The following USP7 variants were observed in gnomAD, a reference collection of about 807,000 sequenced individuals.
USP7 encodes ubiquitin specific peptidase 7, also known as ubiquitin C-terminal hydrolase 7.
In USP7, 9 loss-of-function variants were observed where a neutral mutation model predicts 162.9. That is an observed-to-expected ratio of 0.06 (90% CI 0.03 to 0.10). The LOEUF is 0.10. USP7 is among the 10% of genes least tolerant of loss of function. The probability of loss-of-function intolerance (pLI) is 1.00; values close to 1 mark genes in which losing one functional copy is unlikely to be tolerated. For synonymous variants in USP7, 562 were observed against 475.9 expected (o/e 1.18, Z -2.35); for missense variants, 715 against 1,373.7 (o/e 0.52, Z 7.58).
At chr16:8,947,307 A>G (rs182615124) in intron 1 of USP7, among the ~76,000 whole-genome samples, 4 of 152,238 alleles carry the variant, frequency 2.6e-5, no homozygotes, top group African/African-American at 9.6e-5. Context: ...TTTTTTATAC[A>G]ACATTACCAT....
chr16:8,921,907 G>T (rs186029712), intron 3 of USP7, among the ~76,000 whole-genome samples: 1 of 152,328 alleles, frequency 6.6e-6, no homozygotes, highest in East Asian at 1.9e-4. Context: ...CGATTTAAGT[G>T]GGGCCTTATC....
At chr16:8,930,240 T>C (rs1271399397) in intron 2 of USP7, 53 bp downstream of exon 2, 14 of 1,411,458 alleles carry the variant, frequency 9.9e-6, no homozygotes, top group Non-Finnish European at 1.4e-5. Flanking sequence ...GATCTGAACC[T>C]GTTTTCTGAC....
intron 16 of USP7, among the ~76,000 whole-genome samples, chr16:8,902,831 T>C (rs1260717529): frequency 6.6e-6 from 1 of 151,902 alleles, no homozygotes; most frequent in Non-Finnish European, 1.5e-5. Flanking sequence ...GAGGTTGCAG[T>C]GAGCCAAGAT....
intron 8 of USP7, 54 bp downstream of exon 8, chr16:8,916,448 C>T (rs1428459376): frequency 3.8e-6 from 6 of 1,563,060 alleles, no homozygotes; most frequent in South Asian, 1.2e-5. Flanking sequence ...TAACTTCTGA[C>T]CATGCTTCAA....
intron 28 of USP7, 65 bp from the exon 29 acceptor site, chr16:8,894,920 C>G (rs2304467): frequency 0.39 from 626,247 of 1,613,354 alleles, 126,764 homozygotes; most frequent in East Asian, 0.56. Flanking sequence ...CGTCACGTGG[C>G]AGCCGCCAAA....
chr16:8,905,648 A>C (rs902857983), intron 13 of USP7, among the ~76,000 whole-genome samples: 1 of 152,214 alleles, frequency 6.6e-6, no homozygotes, highest in Non-Finnish European at 1.5e-5. Flanking sequence ...ATCTACTGAC[A>C]CTACCAACTC....
intron 12 of USP7, among the ~76,000 whole-genome samples, chr16:8,907,521 T>C (rs753575115): frequency 6.6e-6 from 1 of 152,232 alleles, no homozygotes; most frequent in Non-Finnish European, 1.5e-5. Flanking sequence ...GATAAGGTAG[T>C]GCACATTGTC....
At chr16:8,952,414 A>G (rs1272614426) in intron 1 of USP7, among the ~76,000 whole-genome samples, 1 of 152,208 alleles carries the variant, frequency 6.6e-6, no homozygotes, top group African/African-American at 2.4e-5. Context: ...GAAGGTCAGA[A>G]GTCTGAAATG....
intron 4 of USP7, 113 bp from the exon 5 acceptor site, chr16:8,920,560 A>T: frequency 5.9e-6 from 5 of 843,646 alleles, no homozygotes; most frequent in South Asian, 2.0e-5. Context: ...CTTTTTTTTT[A>T]AATACATCCC....
intron 5 of USP7, among the ~76,000 whole-genome samples, chr16:8,919,848 T>C (rs192235090): frequency 9.9e-5 from 15 of 152,170 alleles, no homozygotes; most frequent in African/African-American, 3.4e-4. Context: ...CGCAGTACCA[T>C]TCACCAGCAC....
In USP7 at chr16:8,919,157, G is replaced by C. The variant is rs751340963; in HGVS notation, c.612-18C>G. The C allele has an allele frequency of 1.6e-5, 26 of 1,612,626 alleles. No individual in the cohort carries two copies. Among genetic ancestry groups the C allele is most frequent in the Non-Finnish European group, 1.9e-5 (22 of 1,178,904 alleles). On this transcript the variant is annotated intron_variant, in intron 5 of 30. Transcript: ENST00000344836. ...AATCCCACCTGAAAGATCAGTTCAA[G>C]GTTGAGGGGATCTTGCAGATACCCC...
rs750643787 is a variant in USP7 at position 8,894,563 on chromosome 16, A to T, written c.3189T>A (p.Phe1063Leu). Residue 1063 changes from phenylalanine (F) to leucine (L), a missense_variant, in exon 30 of 31, where the codon TTT becomes TTA. Coordinates refer to ENST00000344836, the MANE Select transcript of USP7 (RefSeq NM_003470.3). ...EDEYEVNLKD[F>L]EPQPGNMSHP... ...GAGAACCCTTACCGGGCTGTGGCTC[A>T]AAGTCTTTCAAATTTACTTCATACT... 6.2e-7 allele frequency: 1 copy of T among 1,612,740 alleles called. No individual in the cohort carries two copies. The highest frequency in any genetic ancestry group is 8.5e-7 in the Non-Finnish European group (1 of 1,179,984).
chr16:8,941,473 G>T (rs988641684), intron 1 of USP7, among the ~76,000 whole-genome samples: 1 of 152,132 alleles, frequency 6.6e-6, no homozygotes, highest in Admixed American at 6.5e-5. Flanking sequence ...ATCTCCAGCC[G>T]CATTTCAGCA....
chr16:8,913,239 C>A (rs2061976316), intron 10 of USP7, among the ~76,000 whole-genome samples: 1 of 152,180 alleles, frequency 6.6e-6, no homozygotes, highest in East Asian at 1.9e-4. Context: ...GCCTCTAATC[C>A]CAGCTACTTG....
intron 1 of USP7, chr16:8,936,495 T>G (rs1028756442): frequency 3.7e-6 from 5 of 1,363,518 alleles, no homozygotes; most frequent in Non-Finnish European, 4.8e-6. Flanking sequence ...GCCCCAAATA[T>G]ACTTCAGAAG....
At chr16:8,906,728 C>T (rs957766029) in intron 12 of USP7, 146 bp from the exon 13 acceptor site, 26 of 732,216 alleles carry the variant, frequency 3.6e-5, no homozygotes, top group Non-Finnish European at 5.4e-5. Flanking sequence ...AAGTACATAA[C>T]GTAATCCGTA....
At chr16:8,926,108 C>T (rs988630130) in intron 2 of USP7, among the ~76,000 whole-genome samples, 10 of 149,610 alleles carry the variant, frequency 6.7e-5, no homozygotes, top group African/African-American at 2.2e-4. Context: ...GAGCTGAGAT[C>T]GCGCCACTGC....
At position 8,892,310 on chromosome 16, in the gene USP7, GCTTT is replaced by G. The variant is rs2061610030; in HGVS notation, c.*1684_*1687del. 1 of 152,360 alleles carries G rather than the reference GCTTT, an allele frequency of 6.6e-6. No homozygotes were observed. Among genetic ancestry groups the G allele is most frequent in the South Asian group, 2.1e-4 (1 of 4,832 alleles). 9.4% of individuals were successfully genotyped at this position (152,360 alleles called of 1,614,324 possible). A position where few individuals can be genotyped will look rare whatever the true frequency, so the allele number is the denominator to read the frequency against. ...AGGTCCGCGGGGACCCTCACTCCCT[GCTTT>G]CTATCACACGGGTCACAAGGCAGCT... is the stretch of plus-strand genomic sequence containing the variant. On this transcript the variant is annotated 3_prime_UTR_variant, in exon 31 of 31. Transcript: ENST00000344836.
rs1211227748 is a variant in USP7, at chr16:8,901,874, G to A, written c.2047+208C>T. On this transcript the variant is annotated intron_variant, in intron 18 of 30. Coordinates refer to ENST00000344836, the MANE Select transcript of USP7 (RefSeq NM_003470.3). ...TGAAGACAGAACAGGACGGCCCCACGTGGCTGCTACTGTCTCCGGGCCTCA... is the reference window on the plus strand; with the variant it reads ...TGAAGACAGAACAGGACGGCCCCACATGGCTGCTACTGTCTCCGGGCCTCA... 8.6e-6 allele frequency: 5 copies of A among 579,438 alleles called. No individual in the cohort carries two copies. The Admixed American group carries it at 1.3e-4, about 15-fold the overall frequency. 35.9% of individuals were successfully genotyped at this position (579,438 alleles called of 1,614,324 possible).
Sources: allele counts gnomAD v4.1 joint callset (sites outside exome capture counted in the v4.1 genomes callset), GRCh38; gene constraint gnomAD v4.1.1; transcripts MANE v1.5; gene names NCBI Gene and HGNC (gene_info 2026-07-23, HGNC 2026-07-21).